MAPK10: variants seen among roughly 807,000 people sequenced by gnomAD.
The protein encoded by MAPK10 is mitogen-activated protein kinase 10.
MAPK10 carries 25 observed loss-of-function variants against 59.3 expected under a neutral mutation model. The observed-to-expected ratio is 0.42, with a 90% CI of 0.31 to 0.59. MAPK10 has a LOEUF of 0.59. MAPK10 is among the 20% of genes least tolerant of loss of function. The pLI is 0.15. For missense variants in MAPK10, 351 were observed against 568.9 expected (o/e 0.62, Z 3.90); for synonymous variants, 190 against 200.5 (o/e 0.95, Z 0.44).
chr4:86,301,133 C>A (rs1584326853), intron 2 of MAPK10, among the ~76,000 whole-genome samples: 1 of 152,206 alleles, frequency 6.6e-6, no homozygotes, highest in East Asian at 1.9e-4. Flanking sequence ...TGGTAGCACT[C>A]TCTGCCAACC....
intron 2 of MAPK10, among the ~76,000 whole-genome samples, chr4:86,350,482 G>C (rs966138309): frequency 5.3e-5 from 8 of 152,246 alleles, no homozygotes; most frequent in Middle Eastern, 3.4e-3. Context: ...CCAAAGTGCT[G>C]GGATTACAGG....
chr4:86,420,972 C>T (rs1405894855), intron 1 of MAPK10, among the ~76,000 whole-genome samples: 1 of 151,592 alleles, frequency 6.6e-6, no homozygotes, highest in Non-Finnish European at 1.5e-5. Context: ...ATCCCAACTG[C>T]TTGGGAGGCT....
At chr4:86,085,404 A>C (rs1049552859) in intron 9 of MAPK10, among the ~76,000 whole-genome samples, 18 of 152,206 alleles carry the variant, frequency 1.2e-4, no homozygotes, top group African/African-American at 4.3e-4. Flanking sequence ...CTATAGGAAA[A>C]AAATCTAATA....
chr4:86,217,193 T>C (rs988079069), intron 2 of MAPK10, among the ~76,000 whole-genome samples: 1 of 152,216 alleles, frequency 6.6e-6, no homozygotes, highest in South Asian at 2.1e-4. Flanking sequence ...AATTGCCTCT[T>C]AGGAATTGAC....
intron 2 of MAPK10, among the ~76,000 whole-genome samples, chr4:86,203,146 T>A (rs2083025158): frequency 6.6e-6 from 1 of 151,952 alleles, no homozygotes; most frequent in Non-Finnish European, 1.5e-5. Flanking sequence ...GTGCTTTCAA[T>A]CACTAGTTGT....
intron 1 of MAPK10, among the ~76,000 whole-genome samples, chr4:86,412,164 A>G (rs1362745805): frequency 6.6e-6 from 1 of 152,186 alleles, no homozygotes; most frequent in Non-Finnish European, 1.5e-5. Context: ...TATGAAGCTT[A>G]GTTTGGCTGG....
intron 12 of MAPK10, 21 bp from the exon 13 acceptor site, chr4:86,029,295 A>C: frequency 6.7e-7 from 1 of 1,493,498 alleles, no homozygotes; most frequent in Non-Finnish European, 9.3e-7. Flanking sequence ...CAGCTGTGTT[A>C]TTATAGAAAA....
At chr4:86,385,134 C>T (rs866998234) in intron 1 of MAPK10, among the ~76,000 whole-genome samples, 8 of 151,872 alleles carry the variant, frequency 5.3e-5, no homozygotes, top group African/African-American at 9.7e-5. Flanking sequence ...TCCTTTACTA[C>T]ATATCTTTCT....
intron 1 of MAPK10, among the ~76,000 whole-genome samples, chr4:86,452,861 C>T (rs367705301): frequency 2.0e-5 from 3 of 152,074 alleles, no homozygotes; most frequent in Non-Finnish European, 4.4e-5. Flanking sequence ...TTAGGAATGC[C>T]GCAAGAACCC....
chr4:86,294,960 C>G (rs1272868624), intron 2 of MAPK10, among the ~76,000 whole-genome samples: 1 of 152,010 alleles, frequency 6.6e-6, no homozygotes, highest in Non-Finnish European at 1.5e-5. Context: ...TGTCATCTCA[C>G]CAGCCAAAAC....
At position 86,247,165 on chromosome 4, in the gene MAPK10, G is replaced by A. The variant is rs543041374; in HGVS notation, c.-6-52758C>T. Among the ~76,000 whole-genome samples, 16 of 152,258 alleles carry A rather than the reference G, an allele frequency of 1.1e-4. No individual in the cohort carries two copies. The South Asian group carries it at 3.3e-3, about 32-fold the overall frequency. On this transcript the variant is annotated intron_variant, in intron 2 of 13. Coordinates refer to ENST00000641462, the MANE Select transcript of MAPK10 (RefSeq NM_138982.4). ...AAAATAATCATTAAGATGAGAAAGCGAAGCCTCTATTGTACTATACCCTCA... is the reference window on the plus strand; with the variant it reads ...AAAATAATCATTAAGATGAGAAAGCAAAGCCTCTATTGTACTATACCCTCA...
intron 1 of MAPK10, among the ~76,000 whole-genome samples, chr4:86,478,000 T>C (rs994873664): frequency 4.6e-5 from 7 of 152,174 alleles, no homozygotes; most frequent in Non-Finnish European, 7.3e-5. Context: ...AATTTCTTCC[T>C]CATCTGTTAC....
intron 2 of MAPK10, among the ~76,000 whole-genome samples, chr4:86,345,185 CT>C (rs1727406460): frequency 6.6e-6 from 1 of 152,150 alleles, no homozygotes; most frequent in African/African-American, 2.4e-5. Flanking sequence ...TCTGAGCCCC[CT>C]CTTCCCCTCG....
chr4:86,043,276 G>A (rs1248534645), intron 11 of MAPK10, among the ~76,000 whole-genome samples: 1 of 152,166 alleles, frequency 6.6e-6, no homozygotes, highest in Non-Finnish European at 1.5e-5. Flanking sequence ...CCCACATTGA[G>A]CAATGGAGGC....
intron 1 of MAPK10, among the ~76,000 whole-genome samples, chr4:86,388,405 A>C (rs1401515299): frequency 6.6e-6 from 1 of 152,234 alleles, no homozygotes; most frequent in Non-Finnish European, 1.5e-5. Context: ...GAAAAATATT[A>C]ATAACCAAGT....
At chr4:86,592,842 T>A (rs1371386628) in intron 1 of MAPK10, among the ~76,000 whole-genome samples, 1 of 152,194 alleles carries the variant, frequency 6.6e-6, no homozygotes, top group Non-Finnish European at 1.5e-5. Flanking sequence ...TCCAGCCCAT[T>A]TTACATAGCA....
At chr4:86,415,136 CAAA>C (rs5860025) in intron 1 of MAPK10, among the ~76,000 whole-genome samples, 24,117 of 106,096 alleles carry the variant, frequency 0.23, 2,057 homozygotes, top group South Asian at 0.36. Flanking sequence ...AAGATTCTGT[CAAA>C]AAAAAAAAAA....
chr4:86,066,233 C>T (rs890082781), intron 10 of MAPK10, among the ~76,000 whole-genome samples: 2 of 152,078 alleles, frequency 1.3e-5, no homozygotes, highest in African/African-American at 4.8e-5. Flanking sequence ...ATTATCATTA[C>T]TTTCAAATTA....
At chr4:86,413,494 T>C (rs926711176) in intron 1 of MAPK10, among the ~76,000 whole-genome samples, 1 of 152,214 alleles carries the variant, frequency 6.6e-6, no homozygotes, top group African/African-American at 2.4e-5. Flanking sequence ...CCTTTTGTTC[T>C]GCTATGCCCT....
Sources: allele counts gnomAD v4.1 joint callset (sites outside exome capture counted in the v4.1 genomes callset), GRCh38; gene constraint gnomAD v4.1.1; transcripts MANE v1.5; gene names NCBI Gene and HGNC (gene_info 2026-07-23, HGNC 2026-07-21).